The following HACE1 variants were observed in gnomAD, a reference collection of about 807,000 sequenced individuals.
The protein encoded by HACE1 is E3 ubiquitin-protein ligase HACE1.
In HACE1, 73 loss-of-function variants were observed where a neutral mutation model predicts 118.4. The ratio of observed to expected loss-of-function variants is 0.62; its 90% confidence interval spans 0.51 to 0.75. HACE1 has a LOEUF of 0.75. Among genes scored for constraint, HACE1 ranks in the 30% least tolerant of loss-of-function variants. The pLI, the probability that HACE1 is intolerant of heterozygous loss-of-function variation, is 0.00. For synonymous variants in HACE1, 368 were observed against 374.8 expected (o/e 0.98, Z 0.21); for missense variants, 749 against 1,102.2 (o/e 0.68, Z 4.54).
At position 104,744,229 on chromosome 6, in the gene HACE1, C is replaced by G. The variant is rs1430159380; in HGVS notation, c.2444G>C (p.Trp815Ser). The change falls in exon 22 of 24, where the codon TGG (tryptophan) becomes TCG (serine). Residue 815 changes from tryptophan to serine, a missense_variant and splice_region_variant. By Grantham distance (177) the Trp-to-Ser change is radical (BLOSUM62 -3). Coordinates refer to ENST00000262903, the MANE Select transcript of HACE1 (RefSeq NM_020771.4). ...AATGTCTTCTACAACTTCCCAGAAC[C>G]ACTAACAACAAGAACAAAAAACTTA... ...GYEREDPVIQ[W>S]FWEVVEDITQ... 6.3e-7 allele frequency: 1 copy of G among 1,579,726 alleles called. No homozygotes were observed. Among genetic ancestry groups the G allele is most frequent in the Non-Finnish European group, 8.6e-7 (1 of 1,157,618 alleles).
In HACE1 at chr6:104,825,529, T is replaced by G. The variant is rs575886618; in HGVS notation, c.534+7513A>C. 1.2e-4 allele frequency among the ~76,000 whole-genome samples: 19 copies of G among 152,276 alleles called. No homozygotes were observed. The East Asian group carries it at 3.7e-3, about 29-fold the overall frequency. ...GGCCAAGTCTTCAAATGCACAGAAG[T>G]GCAACTTTGTAACTTCACTTTAGCC... On this transcript the variant is annotated intron_variant, in intron 6 of 23. Transcript: ENST00000262903.
chr6:104,752,316 G>C (rs183669171), intron 19 of HACE1, among the ~76,000 whole-genome samples: 1 of 152,228 alleles, frequency 6.6e-6, no homozygotes, highest in Non-Finnish European at 1.5e-5. Context: ...AATTTCTGGA[G>C]TCCAACCCGG....
At chr6:104,797,955 C>A (rs1300540154) in intron 7 of HACE1, among the ~76,000 whole-genome samples, 6 of 151,554 alleles carry the variant, frequency 4.0e-5, no homozygotes, top group Admixed American at 3.9e-4. Flanking sequence ...GTAATCCCAG[C>A]TACTTGGGAG....
At chr6:104,823,662 C>T (rs573803951) in intron 6 of HACE1, among the ~76,000 whole-genome samples, 67 of 151,744 alleles carry the variant, frequency 4.4e-4, no homozygotes, top group African/African-American at 1.5e-3. Context: ...ACCTACTTCC[C>T]TTAGAATTAG....
At chr6:104,841,013 C>T (rs1400788239) in intron 5 of HACE1, among the ~76,000 whole-genome samples, 4 of 151,184 alleles carry the variant, frequency 2.6e-5, no homozygotes, top group Non-Finnish European at 5.9e-5. Flanking sequence ...CCCAGCTACT[C>T]GGGAGGCTGA....
rs150529052 is a variant in HACE1 at position 104,841,797 on chromosome 6, G to T, written c.402+1426C>A. On this transcript the variant is annotated intron_variant, in intron 5 of 23. Coordinates refer to ENST00000262903, the MANE Select transcript of HACE1 (RefSeq NM_020771.4). ...AATAAAACTTAACATTTTCTGCCATGATTTCAAAACAACTACTCAACAGTA... is the reference window on the plus strand; with the variant it reads ...AATAAAACTTAACATTTTCTGCCATTATTTCAAAACAACTACTCAACAGTA... 2.3e-4 allele frequency among the ~76,000 whole-genome samples: 35 copies of T among 152,204 alleles called. No individual in the cohort carries two copies. In the East Asian group the frequency reaches 2.7e-3, roughly 12 times the overall value.
At chr6:104,733,768 A>G (rs1775470899) in intron 22 of HACE1, among the ~76,000 whole-genome samples, 1 of 151,696 alleles carries the variant, frequency 6.6e-6, no homozygotes, top group Non-Finnish European at 1.5e-5. Flanking sequence ...TGAACCCAGA[A>G]GGTGGAAGTT....
At chr6:104,847,745 C>A (rs1775796623) in intron 4 of HACE1, among the ~76,000 whole-genome samples, 1 of 151,530 alleles carries the variant, frequency 6.6e-6, no homozygotes, top group Non-Finnish European at 1.5e-5. Flanking sequence ...AAAACATCTT[C>A]AAGAGTAATT....
intron 22 of HACE1, among the ~76,000 whole-genome samples, chr6:104,735,116 G>C (rs553600066): frequency 1.3e-5 from 2 of 151,976 alleles, no homozygotes; most frequent in East Asian, 3.9e-4. Context: ...TAATCAATTT[G>C]GCAATACCGT....
chr6:104,793,905 T>C (rs939028848), intron 10 of HACE1, among the ~76,000 whole-genome samples: 1 of 152,186 alleles, frequency 6.6e-6, no homozygotes, highest in Non-Finnish European at 1.5e-5. Flanking sequence ...ATAAAGCACT[T>C]GGAAGGTAGC....
In HACE1 at chr6:104,784,991, G is replaced by A. The variant is rs146071296; in HGVS notation, c.1403C>T (p.Pro468Leu). The A allele has an allele frequency of 7.0e-5, 113 of 1,607,690 alleles. No individual in the cohort carries two copies. The African/African-American group carries it at 1.4e-3, about 20-fold the overall frequency. The change falls in exon 12 of 24, where the codon CCT becomes CTT. Residue 468 changes from proline to leucine, a missense_variant. Physicochemically the swap from Pro to Leu is moderately conservative, Grantham distance 98. Transcript: ENST00000262903. ...TAAGCCAAAACTTTCTTACCCCGGAGGCATCTGACAAGAACAGCACATGTA... is the reference window on the plus strand; with the variant it reads ...TAAGCCAAAACTTTCTTACCCCGGAAGCATCTGACAAGAACAGCACATGTA... ...AFYMCCSCQM[P>L]PGMTSPRFIE...
chr6:104,788,071 T>A (rs1422256472), intron 11 of HACE1, among the ~76,000 whole-genome samples: 1 of 152,134 alleles, frequency 6.6e-6, no homozygotes, highest in Admixed American at 6.5e-5. Flanking sequence ...AAGAATACTA[T>A]GAAAATAACT....
intron 14 of HACE1, among the ~76,000 whole-genome samples, chr6:104,778,273 A>G (rs2114754394): frequency 6.6e-6 from 1 of 152,310 alleles, no homozygotes; most frequent in Non-Finnish European, 1.5e-5. Context: ...AGTACTTACT[A>G]TGTACCAACA....
At chr6:104,769,063 C>T (rs1562326789) in intron 19 of HACE1, among the ~76,000 whole-genome samples, 1 of 151,844 alleles carries the variant, frequency 6.6e-6, no homozygotes. Flanking sequence ...GTGATAGGAT[C>T]TTGCTCTGTC....
In HACE1 at chr6:104,771,334, AT is replaced by A; in HGVS notation, c.2069del (p.Asn690IlefsTer6). On this transcript the variant is annotated frameshift_variant, in exon 19 of 24. Coordinates refer to ENST00000262903, the MANE Select transcript of HACE1 (RefSeq NM_020771.4). LOFTEE classifies it high-confidence loss of function. ...VASIDPEYAK[N>X]LQWILDNDIS... ...TATCATTATCTAAAATCCATTGCAA[AT>A]TTTTCGCATATTCTGGATCAATGGA... The A allele has an allele frequency of 6.2e-7, 1 of 1,612,912 alleles. No homozygotes were observed. The highest frequency in any genetic ancestry group is 8.5e-7 in the Non-Finnish European group (1 of 1,179,052).
chr6:104,803,527 G>A lies in HACE1; in HGVS notation c.618-6502C>T, dbSNP rs537026727. ...AAAGCTTATCCACCACGATCAAGTCGGCTTCATCCCTGGGATGCAAGGCTG... is the reference window on the plus strand; with the variant it reads ...AAAGCTTATCCACCACGATCAAGTCAGCTTCATCCCTGGGATGCAAGGCTG... On this transcript the variant is annotated intron_variant, in intron 7 of 23. Transcript: ENST00000262903. Among the ~76,000 whole-genome samples the A allele has an allele frequency of 5.3e-5, 8 of 152,140 alleles. No individual in the cohort carries two copies. In the East Asian group the frequency reaches 9.7e-4, roughly 18 times the overall value.
intron 2 of HACE1, among the ~76,000 whole-genome samples, chr6:104,851,394 T>G (rs538872266): frequency 2.6e-5 from 4 of 152,228 alleles, no homozygotes; most frequent in Non-Finnish European, 5.9e-5. Flanking sequence ...GCTATTCTTC[T>G]GATTCTTCAG....
chr6:104,785,370 A>T (rs970634004), intron 11 of HACE1, 51 bp from the exon 12 acceptor site: 5 of 428,694 alleles, frequency 1.2e-5, no homozygotes, highest in African/African-American at 2.7e-5. Flanking sequence ...CTACAGGATT[A>T]AAAAAAAAAA....
intron 1 of HACE1, among the ~76,000 whole-genome samples, chr6:104,855,335 C>T (rs1355643269): frequency 1.3e-5 from 2 of 151,708 alleles, no homozygotes; most frequent in African/African-American, 2.4e-5. Flanking sequence ...TCCAGCTACT[C>T]GGGAGGTCGA....
Sources: allele counts gnomAD v4.1 joint callset (sites outside exome capture counted in the v4.1 genomes callset), GRCh38; gene constraint gnomAD v4.1.1; transcripts MANE v1.5; gene names NCBI Gene and HGNC (gene_info 2026-07-23, HGNC 2026-07-21).